Variants in TTN observed in about 807,000 individuals in gnomAD.
TTN encodes the protein titin.
A neutral mutation model predicts 3,223.0 loss-of-function variants in TTN; 1,525 were observed. That is an observed-to-expected ratio of 0.47 (90% CI 0.45 to 0.49). TTN has a LOEUF of 0.49. TTN is among the 20% of genes least tolerant of loss of function. The pLI, the probability that TTN is intolerant of heterozygous loss-of-function variation, is 0.00. For synonymous variants in TTN, 14,094 were observed against 15,161.0 expected (o/e 0.93, Z 5.17); for missense variants, 40,786 against 43,424.0 (o/e 0.94, Z 5.40).
rs376768790 is a variant in TTN at position 178,784,159 on chromosome 2, C to A, written c.2686G>T (p.Val896Phe). ...TPDTYKSEAG[V>F]EVKKEVGVSI... ...ACCCCTACTTCCTTTTTCACCTCAA[C>A]GCCAGCTTCACTCTTGTAAGTATCT... Residue 896 changes from valine (V) to phenylalanine (F), a missense_variant, in exon 16 of 363, where the codon GTT becomes TTT. Val to Phe is a conservative substitution (Grantham distance 50). Transcript: ENST00000589042. 3.7e-6 allele frequency: 6 copies of A among 1,614,012 alleles called. No individual in the cohort carries two copies. In the South Asian group the frequency reaches 4.4e-5, roughly 12 times the overall value.
rs573000455 is a variant in TTN at position 178,769,664 on chromosome 2, TA to T, written c.8902+14del. 0.14 allele frequency: 227,152 copies of T among 1,586,218 alleles called. 19,700 individuals are homozygous for T. Among genetic ancestry groups the T allele is most frequent in the East Asian group, 0.44 (19,515 of 44,160 alleles). On this transcript the variant is annotated intron_variant, in intron 37 of 362. Transcript: ENST00000589042. ...ATATATATGTGTATATATATATATA[TA>T]TTTTTTAACTTACGGGTGACTGTCA...
At chr2:178,747,556 C>T (rs2084023376) in intron 47 of TTN, 1 of 1,613,154 alleles carries the variant, frequency 6.2e-7, no homozygotes, top group African/African-American at 1.3e-5. Flanking sequence ...AGTATTCATA[C>T]ACAGTGTTGA....
chr2:178,573,341 T>A lies in TTN; in HGVS notation c.72791A>T (p.Lys24264Ile), dbSNP rs745449959. The change falls in exon 326 of 363, where the codon AAA becomes ATA. Residue 24264 changes from lysine (K) to isoleucine (I), a missense_variant. Physicochemically the swap from Lys to Ile is moderately radical, Grantham distance 102. Coordinates refer to ENST00000589042, the MANE Select transcript of TTN (RefSeq NM_001267550.2). ...IINYIVERRD[K>I]AGQRWIKCNK... ...GCATTTAATCCAGCGTTGGCCAGCT[T>A]TATCACGCCGTTCCACAATATAATT... The A allele has an allele frequency of 6.5e-7, 1 of 1,543,460 alleles. No individual in the cohort carries two copies. Among genetic ancestry groups the A allele is most frequent in the Non-Finnish European group, 8.7e-7 (1 of 1,145,854 alleles).
chr2:178,546,817 C>G lies in TTN; in HGVS notation c.94611G>C (p.Lys31537Asn). The G allele has an allele frequency of 6.2e-7, 1 of 1,611,926 alleles. No homozygotes were observed. The highest frequency in any genetic ancestry group is 8.5e-7 in the Non-Finnish European group (1 of 1,178,254). ...WSAPAYDGGS[K>N]VVGYIIERKP... ...TACGCTCTATGATGTAGCCCACAACCTTGCTGCCTCCATCATACGCTGGGG... is the reference window on the plus strand; with the variant it reads ...TACGCTCTATGATGTAGCCCACAACGTTGCTGCCTCCATCATACGCTGGGG... The change falls in exon 341 of 363, where the codon AAG becomes AAC. Residue 31537 changes from lysine to asparagine, a missense_variant. Transcript: ENST00000589042.
Position 178,733,021 on chromosome 2 carries a change from G to C in TTN, c.16155C>G (p.Pro5385=), listed in dbSNP as rs762536528. The C allele has an allele frequency of 6.2e-7, 1 of 1,613,390 alleles. No homozygotes were observed. The highest frequency in any genetic ancestry group is 1.7e-5 in the Admixed American group (1 of 59,946). ...CATCCTTAAACCAGGACACCCTCAT[G>C]GGGAGGGAGCCTGCAATTTTGCAGT... ...RLDCKIAGSL[P]MRVSWFKDGK... Residue 5385 remains proline (P), a synonymous_variant, in exon 55 of 363, where the codon CCC becomes CCG. Transcript: ENST00000589042.
chr2:178,536,478 C>G lies in TTN; in HGVS notation c.100269G>C (p.Lys33423Asn). ...WKPPASDGGA[K>N]IRNYYLEKRE... Reference sequence around the variant, plus strand: ...GCTTCTCAAGGTAGTAATTTCTAATCTTTGCACCTCCATCACTGGCAGGTG... The same window carrying G: ...GCTTCTCAAGGTAGTAATTTCTAATGTTTGCACCTCCATCACTGGCAGGTG... The change falls in exon 357 of 363, where the codon AAG becomes AAC. Residue 33423 changes from lysine (K) to asparagine (N), a missense_variant. Lys to Asn is a moderately conservative substitution (Grantham distance 94). Coordinates refer to ENST00000589042, the MANE Select transcript of TTN (RefSeq NM_001267550.2). 6.3e-7 allele frequency: 1 copy of G among 1,585,614 alleles called. No individual in the cohort carries two copies. The highest frequency in any genetic ancestry group is 1.2e-5 in the South Asian group (1 of 85,448).
At chr2:178,689,937 C>A in intron 121 of TTN, 41 bp from the exon 122 acceptor site, 1 of 1,539,036 alleles carries the variant, frequency 6.5e-7, no homozygotes, top group East Asian at 2.2e-5. Context: ...AGACATATAT[C>A]ACTTTTATGA....
At chr2:178,527,355 A>G (rs1686888255) in intron 362 of TTN, 48 bp from the exon 363 acceptor site, 2 of 1,562,396 alleles carry the variant, frequency 1.3e-6, no homozygotes, top group African/African-American at 1.4e-5. Context: ...ACTGAAAAAA[A>G]TAAAGATTTG....
rs754834698 is a variant in TTN at position 178,620,986 on chromosome 2, G to A, written c.45624C>T (p.Leu15208=). The A allele has an allele frequency of 1.2e-6, 2 of 1,609,322 alleles. No homozygotes were observed. The highest frequency in any genetic ancestry group is 2.2e-5 in the South Asian group (2 of 90,130). ...AAAHLTVIEK[L]RIVVPLKDTR... ...TGTCCTTAAGAGGAACTACGATCCT[G>A]AGTTTTTCTGAAAGCAACCGACAAG... is the stretch of plus-strand genomic sequence containing the variant. The change falls in exon 247 of 363, where the codon CTC becomes CTT. Residue 15208 remains leucine, a synonymous_variant. Coordinates refer to ENST00000589042, the MANE Select transcript of TTN (RefSeq NM_001267550.2).
intron 1 of TTN, among the ~76,000 whole-genome samples, chr2:178,805,056 C>T (rs1472726347): frequency 6.6e-6 from 1 of 152,026 alleles, no homozygotes; most frequent in African/African-American, 2.4e-5. Context: ...TAAAATAAAC[C>T]TCTGGGCCTG....
chr2:178,750,279 C>T lies in TTN; in HGVS notation c.11311+2845G>A, dbSNP rs761151353. Reference sequence around the variant, plus strand: ...AACACTGGGACTTTATGTGCTTTGACATCATGTTTTTGTTTTGCTTTCACT... The same window carrying T: ...AACACTGGGACTTTATGTGCTTTGATATCATGTTTTTGTTTTGCTTTCACT... On this transcript the variant is annotated intron_variant, in intron 47 of 362. Transcript: ENST00000589042. The T allele has an allele frequency of 6.8e-6, 11 of 1,613,262 alleles. No individual in the cohort carries two copies. Among genetic ancestry groups the T allele is most frequent in the African/African-American group, 1.3e-5 (1 of 74,948 alleles).
chr2:178,633,314 T>G lies in TTN; in HGVS notation c.42959A>C (p.Lys14320Thr). 1 of 1,612,888 alleles carries G rather than the reference T, an allele frequency of 6.2e-7. No homozygotes were observed. Residue 14320 changes from lysine to threonine, a missense_variant, in exon 233 of 363, where the codon AAA becomes ACA. Lys to Thr is a moderately conservative substitution (Grantham distance 78, BLOSUM62 -1). Coordinates refer to ENST00000589042, the MANE Select transcript of TTN (RefSeq NM_001267550.2). ...TACTCCGTACAGAGGCTTTTCCACT[T>G]TTATTAGTCGAGCTGAAATGATACA... The part of the protein sequence containing the change: ...ANVTVEARLI[K>T]VEKPLYGVEV...
chr2:178,584,616 T>C, intron 310 of TTN, 38 bp from the exon 311 acceptor site: 3 of 1,610,390 alleles, frequency 1.9e-6, no homozygotes, highest in East Asian at 2.2e-5. Flanking sequence ...GTTTCTACAT[T>C]AAGTAACAAA....
Position 178,713,948 on chromosome 2 carries a change from C to T in TTN, c.26710G>A (p.Val8904Met). The T allele has an allele frequency of 1.9e-6, 3 of 1,613,668 alleles. No homozygotes were observed. The highest frequency in any genetic ancestry group is 2.5e-6 in the Non-Finnish European group (3 of 1,179,692). ...CTGTCTTTGCCAACAGGGTTCTGCACCTCAAAACTGTATACCCCACTGTCA... is the reference window on the plus strand; with the variant it reads ...CTGTCTTTGCCAACAGGGTTCTGCATCTCAAAACTGTATACCCCACTGTCA... Reference protein sequence around the residue: ...PSDSGVYSFEVQNPVGKDSCT... With the variant: ...PSDSGVYSFEMQNPVGKDSCT... The change falls in exon 92 of 363, where the codon GTG (valine) becomes ATG (methionine). Residue 8904 changes from valine to methionine, a missense_variant. By Grantham distance (21) the Val-to-Met change is conservative. Transcript: ENST00000589042.
Position 178,536,037 on chromosome 2 carries a change from G to A in TTN, c.100710C>T (p.Val33570=). The A allele has an allele frequency of 1.3e-6, 2 of 1,585,764 alleles. No homozygotes were observed. Among genetic ancestry groups the A allele is most frequent in the Non-Finnish European group, 1.7e-6 (2 of 1,163,694 alleles). ...VTDDDATVYQ[V]RATNQGGSVS... ...CAGATCCCCCTTGGTTGGTAGCTCT[G>A]ACTTGGTAAACTGTGGCATCATCAT... Residue 33570 remains valine, a synonymous_variant, in exon 357 of 363, where the codon GTC becomes GTT. Coordinates refer to ENST00000589042, the MANE Select transcript of TTN (RefSeq NM_001267550.2).
chr2:178,746,240 C>A (rs72648913), intron 47 of TTN: 1 of 1,612,672 alleles, frequency 6.2e-7, no homozygotes, highest in African/African-American at 1.3e-5. Flanking sequence ...TTTAAAATCA[C>A]AAATAGGCAT....
In TTN at chr2:178,635,721, T is replaced by A. The variant is rs754210075; in HGVS notation, c.41609-6A>T. ...CAGCCAATCTCTAATGACTTCTATA[T>A]GAAAATAAGATCAGAAAAAATGATT... On this transcript the variant is annotated splice_region_variant and splice_polypyrimidine_tract_variant and intron_variant, in intron 226 of 362. Transcript: ENST00000589042. 1 of 1,588,284 alleles carries A rather than the reference T, an allele frequency of 6.3e-7. No homozygotes were observed. The highest frequency in any genetic ancestry group is 1.7e-4 in the Middle Eastern group (1 of 6,014).
intron 241 of TTN, 26 bp from the exon 242 acceptor site, chr2:178,624,757 A>G (rs1163501715): frequency 6.2e-6 from 10 of 1,606,952 alleles, no homozygotes; most frequent in Non-Finnish European, 7.6e-6. Context: ...TCATTAGCCA[A>G]GGTACTCCTT....
At position 178,582,638 on chromosome 2, in the gene TTN, G is replaced by T. The variant is rs764025138; in HGVS notation, c.65864-46C>A. Reference sequence around the variant, plus strand: ...AGTGAATATGTGGAATGGGGAATGAGTATAGAGTAGAGGTCTGGAGACCTG... The same window carrying T: ...AGTGAATATGTGGAATGGGGAATGATTATAGAGTAGAGGTCTGGAGACCTG... On this transcript the variant is annotated intron_variant, in intron 313 of 362. Coordinates refer to ENST00000589042, the MANE Select transcript of TTN (RefSeq NM_001267550.2). 3.9e-6 allele frequency: 6 copies of T among 1,539,424 alleles called. No individual in the cohort carries two copies. In the South Asian group the frequency reaches 6.4e-5, roughly 16 times the overall value.
Sources: gnomAD v4.1 joint callset for allele counts (sites outside exome capture counted in the v4.1 genomes callset) on GRCh38, gnomAD v4.1.1 for gene constraint, MANE v1.5 for transcripts, NCBI Gene and HGNC (gene_info 2026-07-23, HGNC 2026-07-21) for gene names.